The following VRK2 variants were observed in gnomAD, a reference collection of about 807,000 sequenced individuals.
VRK2 encodes VRK serine/threonine kinase 2.
Under a neutral mutation model 57.6 loss-of-function variants are expected in VRK2, and 60 were observed. The ratio of observed to expected loss-of-function variants is 1.04; its 90% CI spans 0.85 to 1.29. The LOEUF is 1.29. Among genes scored for constraint, VRK2 ranks in the 50% most tolerant of loss-of-function variants. VRK2 has a pLI of 0.00. For synonymous variants in VRK2, 231 were observed against 199.2 expected (o/e 1.16, Z -1.35); for missense variants, 705 against 588.1 (o/e 1.20, Z -2.06).
intron 7 of VRK2, among the ~76,000 whole-genome samples, chr2:58,118,290 C>T (rs1676844979): frequency 3.3e-5 from 5 of 152,250 alleles, no homozygotes; most frequent in Admixed American, 3.3e-4. Flanking sequence ...CGTGGTCTGA[C>T]ACCTTTGAAA....
At chr2:57,981,406 G>A (rs1484650725) in intron 1 of VRK2, among the ~76,000 whole-genome samples, 1 of 152,146 alleles carries the variant, frequency 6.6e-6, no homozygotes, top group East Asian at 1.9e-4. Flanking sequence ...AAAGTTTGCT[G>A]TTAACTTGAC....
chr2:58,094,594 C>G (rs1672856805), intron 7 of VRK2, among the ~76,000 whole-genome samples: 1 of 152,162 alleles, frequency 6.6e-6, no homozygotes, highest in Admixed American at 6.5e-5. Context: ...ATAATCATGT[C>G]ATCTGCAAAC....
chr2:58,159,567 A>C lies in VRK2; in HGVS notation c.1401A>C (p.Ser467=). ...VSTGITDLES[S]TGLWPTISQF... ...CGGGGATCACAGACTTAGAAAGTTCAACTGGACTTTGGCCTACAATTTCCC... is the reference window on the plus strand; with the variant it reads ...CGGGGATCACAGACTTAGAAAGTTCCACTGGACTTTGGCCTACAATTTCCC... Residue 467 remains serine, a synonymous_variant, in exon 13 of 13, where the codon TCA becomes TCC. Transcript: ENST00000340157. The C allele has an allele frequency of 1.2e-6, 2 of 1,613,880 alleles. No individual in the cohort carries two copies. The highest frequency in any genetic ancestry group is 8.5e-7 in the Non-Finnish European group (1 of 1,179,820).
At chr2:58,137,203 TC>T (rs1558687088) in intron 10 of VRK2, among the ~76,000 whole-genome samples, 12 of 13,752 alleles carry the variant, frequency 8.7e-4, no homozygotes, top group Non-Finnish European at 9.8e-4. Context: ...CATATATATC[TC>T]ATATATGATA....
At chr2:58,089,460 A>G (rs1398850978) in intron 6 of VRK2, among the ~76,000 whole-genome samples, 171 bp from the exon 7 acceptor site, 1 of 152,180 alleles carries the variant, frequency 6.6e-6, no homozygotes, top group Non-Finnish European at 1.5e-5. Flanking sequence ...TTTTTCTAGG[A>G]TGAGCAACCA....
At chr2:57,982,159 A>C (rs938545870) in intron 1 of VRK2, among the ~76,000 whole-genome samples, 1 of 152,180 alleles carries the variant, frequency 6.6e-6, no homozygotes, top group Non-Finnish European at 1.5e-5. Flanking sequence ...GCCAAGATTC[A>C]GCTCAGCACT....
intron 7 of VRK2, among the ~76,000 whole-genome samples, chr2:58,113,549 AG>A (rs1489326423): frequency 2.0e-5 from 3 of 151,900 alleles, no homozygotes; most frequent in African/African-American, 7.3e-5. Context: ...GAAGGGAGAT[AG>A]GGGTGGGACC....
At chr2:58,068,696 A>G (rs530604092) in intron 2 of VRK2, among the ~76,000 whole-genome samples, 107 of 149,614 alleles carry the variant, frequency 7.2e-4, no homozygotes, top group Middle Eastern at 3.5e-3. Context: ...GTGGTGTTCA[A>G]TTTTTTCATA....
chr2:58,007,506 T>C (rs188544580), intron 1 of VRK2, among the ~76,000 whole-genome samples: 1 of 152,008 alleles, frequency 6.6e-6, no homozygotes, highest in Non-Finnish European at 1.5e-5. Context: ...CATATGACAA[T>C]CTACTTCCAC....
chr2:58,115,092 G>T (rs372766262), intron 7 of VRK2, among the ~76,000 whole-genome samples: 1 of 152,120 alleles, frequency 6.6e-6, no homozygotes, highest in South Asian at 2.1e-4. Context: ...GAGAGGTTCT[G>T]AGAGGCGGGC....
At chr2:58,132,038 G>A in intron 9 of VRK2, 110 bp downstream of exon 9, 1 of 1,348,864 alleles carries the variant, frequency 7.4e-7, no homozygotes, top group Non-Finnish European at 1.0e-6. Flanking sequence ...GACAACCAAA[G>A]CAAATTTCTT....
At chr2:57,933,259 G>A (rs1204865328) in intron 1 of VRK2, among the ~76,000 whole-genome samples, 1 of 147,674 alleles carries the variant, frequency 6.8e-6, no homozygotes, top group Admixed American at 6.7e-5. Context: ...TGAAAGTTGG[G>A]TGTTGGAGTC....
At chr2:58,052,310 T>C (rs1469926091) in intron 2 of VRK2, among the ~76,000 whole-genome samples, 1 of 152,180 alleles carries the variant, frequency 6.6e-6, no homozygotes, top group African/African-American at 2.4e-5. Flanking sequence ...TTTCCCATTC[T>C]TAATACTGGT....
chr2:58,103,804 G>A lies in VRK2; in HGVS notation c.543+14081G>A, dbSNP rs149973245. On this transcript the variant is annotated intron_variant, in intron 7 of 12. Transcript: ENST00000340157. The stretch of plus-strand genomic sequence containing the variant: ...ACAAGGACAAAACAAAAAAGAAAAC[G>A]TTGGATCAATATCCCTGATGACCAT... 1.2e-3 allele frequency among the ~76,000 whole-genome samples: 187 copies of A among 151,612 alleles called. 2 individuals carry two copies. The highest frequency in any genetic ancestry group is 8.5e-3 in the Admixed American group (129 of 15,178).
chr2:57,977,126 T>C (rs1423931730), intron 1 of VRK2, among the ~76,000 whole-genome samples: 1 of 152,200 alleles, frequency 6.6e-6, no homozygotes, highest in East Asian at 1.9e-4. Context: ...TCTTGTAGTA[T>C]AATTTGAAGT....
chr2:58,071,658 AT>A (rs986316209), intron 2 of VRK2, among the ~76,000 whole-genome samples: 2 of 151,412 alleles, frequency 1.3e-5, no homozygotes, highest in African/African-American at 2.4e-5. Context: ...CTATTTGTCT[AT>A]TTTTTTTGCA....
chr2:58,136,773 C>G (rs527373955), intron 10 of VRK2, among the ~76,000 whole-genome samples: 25 of 142,462 alleles, frequency 1.8e-4, no homozygotes, highest in Non-Finnish European at 3.5e-4. Context: ...ATATATATAT[C>G]ATATATATGT....
intron 1 of VRK2, among the ~76,000 whole-genome samples, chr2:57,953,164 C>T (rs73942251): frequency 0.024 from 3,639 of 152,274 alleles, 148 homozygotes; most frequent in African/African-American, 0.083. Flanking sequence ...AATAGTACTA[C>T]ATATTTACTT....
At chr2:58,094,096 C>T (rs1672776588) in intron 7 of VRK2, among the ~76,000 whole-genome samples, 2 of 152,130 alleles carry the variant, frequency 1.3e-5, no homozygotes. Context: ...AGTCAGGTAG[C>T]CTGATGCCTC....
Sources: allele counts gnomAD v4.1 joint callset (sites outside exome capture counted in the v4.1 genomes callset), GRCh38; gene constraint gnomAD v4.1.1; transcripts MANE v1.5; gene names NCBI Gene and HGNC (gene_info 2026-07-23, HGNC 2026-07-21).